NFYB: variants seen among roughly 807,000 people sequenced by gnomAD.
The protein encoded by NFYB is nuclear transcription factor Y subunit beta, also known as CAAT box DNA-binding protein subunit B.
In NFYB, 13 loss-of-function variants were observed where a neutral mutation model predicts 28.0. The ratio of observed to expected loss-of-function variants is 0.46; its 90% confidence interval spans 0.30 to 0.74. The LOEUF (loss-of-function observed/expected upper bound fraction) is 0.74. Among genes scored for constraint, NFYB ranks in the 30% least tolerant of loss-of-function variants. NFYB has a pLI of 0.07. For synonymous variants in NFYB, 74 were observed against 75.0 expected (o/e 0.99, Z 0.07); for missense variants, 142 against 247.6 (o/e 0.57, Z 2.86).
intron 3 of NFYB, among the ~76,000 whole-genome samples, chr12:104,127,664 T>A (rs926852906): frequency 4.0e-5 from 1 of 24,982 alleles, no homozygotes; most frequent in Admixed American, 4.4e-4. Flanking sequence ...TAACACTGCC[T>A]TTTTTTTTTT....
chr12:104,128,887 G>A (rs1197172551), intron 2 of NFYB, among the ~76,000 whole-genome samples: 2 of 151,864 alleles, frequency 1.3e-5, no homozygotes, highest in Non-Finnish European at 2.9e-5. Context: ...AGGCTGGTCT[G>A]GAACTCCTGG....
rs539335301 is a variant in NFYB, at chr12:104,119,534, T to C, written c.*203A>G. 1.2e-4 allele frequency: 57 copies of C among 473,268 alleles called. No individual in the cohort carries two copies. The South Asian group carries it at 1.8e-3, about 15-fold the overall frequency. 29.3% of individuals were successfully genotyped at this position (473,268 alleles called of 1,614,324 possible). On this transcript the variant is annotated 3_prime_UTR_variant, in exon 8 of 8. Coordinates refer to ENST00000240055, the MANE Select transcript of NFYB (RefSeq NM_006166.4). ...CAAAAATATTTTAATACCTTTAAAA[T>C]CCAAATTTTTCTTTAAAATCATTCA...
At chr12:104,134,263 G>C (rs2031025442) in intron 2 of NFYB, among the ~76,000 whole-genome samples, 1 of 152,052 alleles carries the variant, frequency 6.6e-6, no homozygotes, top group Admixed American at 6.6e-5. Context: ...TGCCACTCAA[G>C]CAACCCATGC....
chr12:104,124,345 T>C (rs2030600740), intron 4 of NFYB, among the ~76,000 whole-genome samples: 1 of 152,178 alleles, frequency 6.6e-6, no homozygotes, highest in African/African-American at 2.4e-5. Flanking sequence ...ATTTTTCCCT[T>C]AAGGGTCTGG....
chr12:104,137,915 A>G (rs2136679915), intron 1 of NFYB: 1 of 145,654 alleles, frequency 6.9e-6, no homozygotes, highest in East Asian at 2.0e-4. Flanking sequence ...CCCGGCGCAC[A>G]AAGAGCCGCG....
chr12:104,134,303 G>A (rs1464505526), intron 2 of NFYB, among the ~76,000 whole-genome samples: 1 of 152,082 alleles, frequency 6.6e-6, no homozygotes, highest in Non-Finnish European at 1.5e-5. Flanking sequence ...TCTCATCACG[G>A]CAAATTTAAG....
chr12:104,130,520 T>C (rs2030884309), intron 2 of NFYB, among the ~76,000 whole-genome samples: 1 of 152,190 alleles, frequency 6.6e-6, no homozygotes, highest in Non-Finnish European at 1.5e-5. Flanking sequence ...GGGTACCTAT[T>C]TGATACTTTT....
intron 2 of NFYB, among the ~76,000 whole-genome samples, chr12:104,133,475 G>A (rs1219832260): frequency 2.0e-5 from 3 of 152,208 alleles, no homozygotes; most frequent in Admixed American, 6.5e-5. Flanking sequence ...CTGGCTCTTA[G>A]GACCGATTTC....
In NFYB at chr12:104,123,431, G is replaced by A; in HGVS notation, c.232-8C>T. The A allele has an allele frequency of 6.2e-7, 1 of 1,611,870 alleles. No individual in the cohort carries two copies. The highest frequency in any genetic ancestry group is 8.5e-7 in the Non-Finnish European group (1 of 1,178,674). On this transcript the variant is annotated splice_polypyrimidine_tract_variant and splice_region_variant and intron_variant, in intron 4 of 7. Transcript: ENST00000240055. ...TTTGGCATCTTTTGCAATCTGAAGA[G>A]AAAATCATAGGTAAATTACAGAAAC... is the stretch of plus-strand genomic sequence containing the variant.
At chr12:104,129,036 T>C (rs972667338) in intron 2 of NFYB, among the ~76,000 whole-genome samples, 4 of 152,208 alleles carry the variant, frequency 2.6e-5, no homozygotes, top group Non-Finnish European at 5.9e-5. Flanking sequence ...CCATCTTCCA[T>C]AAGTGATATA....
intron 1 of NFYB, chr12:104,137,691 C>T (rs1416188137): frequency 6.7e-6 from 1 of 148,688 alleles, no homozygotes; most frequent in East Asian, 2.0e-4. Flanking sequence ...AGGAGGGCGC[C>T]CCCGGGGACT....
chr12:104,122,897 G>A (rs769377467), intron 5 of NFYB, among the ~76,000 whole-genome samples: 1 of 151,686 alleles, frequency 6.6e-6, no homozygotes, highest in East Asian at 1.9e-4. Context: ...AATGGGGGCC[G>A]GGCATGGTGG....
rs1210452023 is a variant in NFYB, at chr12:104,117,267, C to T, written c.*2470G>A. ...ACATTCAGAATGTCCATTTTCTTTC[C>T]CATCAGAGTATGAAGTCCAACAATG... On this transcript the variant is annotated 3_prime_UTR_variant, in exon 8 of 8. Transcript: ENST00000240055. 6.6e-6 allele frequency: 1 copy of T among 151,966 alleles called. No homozygotes were observed. Among genetic ancestry groups the T allele is most frequent in the African/African-American group, 2.4e-5 (1 of 41,360 alleles). 9.4% of individuals were successfully genotyped at this position (151,966 alleles called of 1,614,324 possible).
intron 5 of NFYB, 67 bp from the exon 6 acceptor site, chr12:104,121,388 C>T: frequency 7.6e-7 from 1 of 1,321,762 alleles, no homozygotes; most frequent in Non-Finnish European, 1.1e-6. Context: ...CAAATGCTTA[C>T]TTATTGCCTA....
At position 104,118,013 on chromosome 12, in the gene NFYB, T is replaced by C. The variant is rs774018587; in HGVS notation, c.*1724A>G. On this transcript the variant is annotated 3_prime_UTR_variant, in exon 8 of 8. Coordinates refer to ENST00000240055, the MANE Select transcript of NFYB (RefSeq NM_006166.4). Reference sequence around the variant, plus strand: ...AGATGTAAATAGTCAAAATATCCAATAGAAGATTAAATGAATTATGATTGA... The same window carrying C: ...AGATGTAAATAGTCAAAATATCCAACAGAAGATTAAATGAATTATGATTGA... 4 of 152,104 alleles carry C rather than the reference T, an allele frequency of 2.6e-5. No homozygotes were observed. Among genetic ancestry groups the C allele is most frequent in the African/African-American group, 9.7e-5 (4 of 41,412 alleles). 9.4% of individuals were successfully genotyped at this position (152,104 alleles called of 1,614,324 possible). A position where few individuals can be genotyped will look rare whatever the true frequency, so the allele number is the denominator to read the frequency against.
At chr12:104,123,728 G>C (rs2030571848) in intron 4 of NFYB, among the ~76,000 whole-genome samples, 1 of 152,294 alleles carries the variant, frequency 6.6e-6, no homozygotes, top group Middle Eastern at 3.4e-3. Flanking sequence ...GGGAGGCCGA[G>C]GCGGGCGGAT....
intron 2 of NFYB, among the ~76,000 whole-genome samples, chr12:104,133,081 G>A (rs760728394): frequency 4.6e-5 from 7 of 152,224 alleles, no homozygotes; most frequent in Middle Eastern, 3.4e-3. Flanking sequence ...TGATGTAGCC[G>A]TATTTAAACT....
chr12:104,120,518 A>G (rs1196369081), intron 6 of NFYB, 39 bp from the exon 7 acceptor site: 4 of 1,379,520 alleles, frequency 2.9e-6, no homozygotes, highest in South Asian at 1.2e-5. Context: ...GAAATGAACT[A>G]TATCTACTTT....
At chr12:104,128,315 G>T in intron 3 of NFYB, 109 bp downstream of exon 3, 1 of 654,802 alleles carries the variant, frequency 1.5e-6, no homozygotes. Flanking sequence ...ACACAAGATT[G>T]TAAATTTTCC....
Sources: gnomAD v4.1 joint callset for allele counts (sites outside exome capture counted in the v4.1 genomes callset) on GRCh38, gnomAD v4.1.1 for gene constraint, MANE v1.5 for transcripts, NCBI Gene and HGNC (gene_info 2026-07-23, HGNC 2026-07-21) for gene names.